Variants in RABGAP1L observed in about 807,000 individuals in gnomAD.
RABGAP1L encodes RAB GTPase activating protein 1 like, also known as rab GTPase-activating protein 1-like.
RABGAP1L carries 63 observed loss-of-function variants against 137.7 expected under a neutral mutation model. That is an observed-to-expected ratio of 0.46 (90% CI 0.37 to 0.56). The LOEUF (loss-of-function observed/expected upper bound fraction) is 0.56, where lower values mean the gene tolerates loss of function less well. RABGAP1L is among the 20% of genes least tolerant of loss of function. The pLI, the probability that RABGAP1L is intolerant of heterozygous loss-of-function variation, is 0.00. For synonymous variants in RABGAP1L, 431 were observed against 433.7 expected (o/e 0.99, Z 0.08); for missense variants, 1,095 against 1,244.0 (o/e 0.88, Z 1.80).
chr1:174,799,735 T>G (rs1190195992), intron 18 of RABGAP1L, among the ~76,000 whole-genome samples: 1 of 151,896 alleles, frequency 6.6e-6, no homozygotes, highest in Admixed American at 6.6e-5. Context: ...TCCCTACCCC[T>G]TCATTACTGA....
intron 19 of RABGAP1L, among the ~76,000 whole-genome samples, chr1:174,896,500 A>G (rs1657199659): frequency 6.6e-6 from 1 of 152,180 alleles, no homozygotes; most frequent in African/African-American, 2.4e-5. Flanking sequence ...TGTTTTAGAC[A>G]TGAAGTCGTT....
At chr1:174,865,688 C>T (rs1651086096) in intron 19 of RABGAP1L, among the ~76,000 whole-genome samples, 1 of 152,044 alleles carries the variant, frequency 6.6e-6, no homozygotes, top group African/African-American at 2.4e-5. Flanking sequence ...GTGGTCCCAC[C>T]CACTCGGGAG....
chr1:174,861,635 A>G (rs1042680215), intron 19 of RABGAP1L, among the ~76,000 whole-genome samples: 10 of 151,948 alleles, frequency 6.6e-5, no homozygotes, highest in South Asian at 4.1e-4. Context: ...TTTTTTTTAA[A>G]TAATGGCCAT....
At chr1:174,549,629 T>G (rs1286279090) in intron 13 of RABGAP1L, among the ~76,000 whole-genome samples, 1 of 152,132 alleles carries the variant, frequency 6.6e-6, no homozygotes, top group Non-Finnish European at 1.5e-5. Flanking sequence ...GCTGAAGAAG[T>G]AAAACTATTG....
chr1:174,793,713 T>C (rs1688030776), intron 18 of RABGAP1L, among the ~76,000 whole-genome samples: 2 of 151,834 alleles, frequency 1.3e-5, no homozygotes, highest in African/African-American at 4.8e-5. Context: ...TTTTTTTTTT[T>C]GAGATGGATT....
intron 1 of RABGAP1L, among the ~76,000 whole-genome samples, chr1:174,196,314 C>G (rs1364210582): frequency 1.3e-5 from 2 of 151,054 alleles, no homozygotes; most frequent in Non-Finnish European, 2.9e-5. Context: ...AGCTCTGCCT[C>G]CTGGGTTCAC....
chr1:174,197,521 A>G (rs1667781208), intron 1 of RABGAP1L, among the ~76,000 whole-genome samples: 1 of 151,924 alleles, frequency 6.6e-6, no homozygotes, highest in African/African-American at 2.4e-5. Flanking sequence ...CTCATTCACA[A>G]CCCCTCTGTC....
At chr1:174,430,372 AT>A (rs1016703425) in intron 13 of RABGAP1L, among the ~76,000 whole-genome samples, 8 of 146,916 alleles carry the variant, frequency 5.4e-5, no homozygotes, top group African/African-American at 9.8e-5. Context: ...AAAAAAAAAA[AT>A]TTTTTTTCAA....
chr1:174,464,031 A>G (rs1276016143), intron 13 of RABGAP1L, among the ~76,000 whole-genome samples: 1 of 152,158 alleles, frequency 6.6e-6, no homozygotes, highest in Non-Finnish European at 1.5e-5. Context: ...AATTTAATAT[A>G]TGATTATTTG....
chr1:174,347,202 A>C (rs1015992551), intron 11 of RABGAP1L, among the ~76,000 whole-genome samples: 2 of 152,182 alleles, frequency 1.3e-5, no homozygotes, highest in African/African-American at 2.4e-5. Context: ...CCACTGGATC[A>C]AATGTTCTAC....
intron 13 of RABGAP1L, among the ~76,000 whole-genome samples, chr1:174,466,800 A>G (rs1286998206): frequency 6.6e-6 from 1 of 152,116 alleles, no homozygotes. Context: ...CCCCGAAAAA[A>G]GAGAGAGTGA....
intron 13 of RABGAP1L, among the ~76,000 whole-genome samples, chr1:174,437,909 A>G (rs1428860958): frequency 6.6e-6 from 1 of 152,206 alleles, no homozygotes; most frequent in Non-Finnish European, 1.5e-5. Flanking sequence ...AGTGGGGGCC[A>G]ATATTCAACA....
intron 13 of RABGAP1L, among the ~76,000 whole-genome samples, chr1:174,439,169 C>A (rs926078781): frequency 6.6e-6 from 1 of 151,474 alleles, no homozygotes; most frequent in Non-Finnish European, 1.5e-5. Flanking sequence ...AATATTTCAC[C>A]ATTAAATATT....
chr1:174,257,679 G>A (rs992219909), intron 7 of RABGAP1L, among the ~76,000 whole-genome samples: 6 of 152,106 alleles, frequency 3.9e-5, no homozygotes, highest in Non-Finnish European at 7.4e-5. Flanking sequence ...GAGAGAAAAT[G>A]CCTTTTGAAT....
intron 11 of RABGAP1L, among the ~76,000 whole-genome samples, chr1:174,362,351 C>T (rs769994246): frequency 7.9e-5 from 12 of 152,192 alleles, no homozygotes; most frequent in Admixed American, 6.5e-4. Context: ...TTTGAGGAAT[C>T]GCCACACTGT....
intron 19 of RABGAP1L, among the ~76,000 whole-genome samples, chr1:174,846,044 T>C (rs1694012135): frequency 6.6e-6 from 1 of 150,704 alleles, no homozygotes; most frequent in Non-Finnish European, 1.5e-5. Context: ...CTGATGGTAG[T>C]TTGTATTTCT....
At chr1:174,450,900 C>A (rs913792032) in intron 13 of RABGAP1L, among the ~76,000 whole-genome samples, 1 of 152,112 alleles carries the variant, frequency 6.6e-6, no homozygotes, top group South Asian at 2.1e-4. Flanking sequence ...ACCATGTTTG[C>A]ACCCTGGTGG....
At chr1:174,548,615 T>G (rs1055354388) in intron 13 of RABGAP1L, 1 of 919,376 alleles carries the variant, frequency 1.1e-6, no homozygotes, top group Non-Finnish European at 1.3e-6. Context: ...AGAGGGCTTC[T>G]GCATACCACC....
intron 4 of RABGAP1L, among the ~76,000 whole-genome samples, chr1:174,233,518 T>C (rs1290469125): frequency 1.4e-5 from 2 of 142,602 alleles, no homozygotes; most frequent in African/African-American, 6.0e-5. Flanking sequence ...ATGCGGTGTT[T>C]GGTTTTTTGT....
Sources: gnomAD v4.1 joint callset for allele counts (sites outside exome capture counted in the v4.1 genomes callset) on GRCh38, gnomAD v4.1.1 for gene constraint, MANE v1.5 for transcripts, NCBI Gene and HGNC (gene_info 2026-07-23, HGNC 2026-07-21) for gene names.